HDAC9: variants seen among roughly 807,000 people sequenced by gnomAD.
HDAC9 encodes histone deacetylase 9, also known as MEF-2 interacting transcription repressor (MITR) protein.
A neutral mutation model predicts 139.4 loss-of-function variants in HDAC9; 41 were observed. The observed-to-expected ratio is 0.29, with a 90% CI of 0.23 to 0.38. HDAC9 has a LOEUF of 0.38. Among genes scored for constraint, HDAC9 ranks in the 10% least tolerant of loss-of-function variants. HDAC9 has a pLI of 1.00. For missense variants in HDAC9, 1,147 were observed against 1,297.0 expected (o/e 0.88, Z 1.78); for synonymous variants, 517 against 476.2 (o/e 1.09, Z -1.12).
intron 2 of HDAC9, among the ~76,000 whole-genome samples, chr7:18,537,041 A>G (rs1330182194): frequency 6.6e-6 from 1 of 152,196 alleles, no homozygotes; most frequent in Non-Finnish European, 1.5e-5. Context: ...TCTTGGGATC[A>G]TCTGAACTAT....
At chr7:18,562,203 G>A (rs546688929) in intron 2 of HDAC9, among the ~76,000 whole-genome samples, 54 of 152,088 alleles carry the variant, frequency 3.6e-4, no homozygotes, top group African/African-American at 8.9e-4. Flanking sequence ...TTATTGAGTC[G>A]TAAGATTTTA....
chr7:18,971,993 G>C (rs1206162108), intron 24 of HDAC9, among the ~76,000 whole-genome samples: 1 of 152,140 alleles, frequency 6.6e-6, no homozygotes, highest in Non-Finnish European at 1.5e-5. Flanking sequence ...ATGTTTGTTT[G>C]TGGCCTAGAC....
At chr7:18,518,747 A>G (rs1051131995) in intron 2 of HDAC9, among the ~76,000 whole-genome samples, 1 of 152,250 alleles carries the variant, frequency 6.6e-6, no homozygotes, top group African/African-American at 2.4e-5. Context: ...GGCCAGTAAT[A>G]GCCCTGGCTG....
At chr7:18,655,522 A>G (rs749476469) in intron 11 of HDAC9, among the ~76,000 whole-genome samples, 8 of 152,198 alleles carry the variant, frequency 5.3e-5, no homozygotes, top group Non-Finnish European at 8.8e-5. Context: ...TTATATCATC[A>G]CAAGGAATTC....
intron 13 of HDAC9, 128 bp from the exon 14 acceptor site, chr7:18,748,877 A>C (rs973431014): frequency 3.6e-5 from 32 of 901,062 alleles, no homozygotes; most frequent in Admixed American, 2.7e-4. Context: ...TTGCTTTGTG[A>C]TATTTCCTCC....
intron 2 of HDAC9, among the ~76,000 whole-genome samples, chr7:18,527,387 G>A (rs540759490): frequency 6.6e-6 from 1 of 152,192 alleles, no homozygotes; most frequent in Admixed American, 6.5e-5. Flanking sequence ...ATGTATCTAA[G>A]TAAGTTAATG....
At chr7:18,636,876 A>AT (rs3214107) in intron 8 of HDAC9, among the ~76,000 whole-genome samples, 4 of 150,824 alleles carry the variant, frequency 2.7e-5, no homozygotes, top group East Asian at 2.0e-4. Context: ...CTTGGTTACA[A>AT]TTTTTTTTTT....
At chr7:18,102,239 G>C (rs1197589115) in intron 1 of HDAC9, among the ~76,000 whole-genome samples, 1 of 152,144 alleles carries the variant, frequency 6.6e-6, no homozygotes, top group Non-Finnish European at 1.5e-5. Context: ...TAATTTAAAA[G>C]AATCCTTGAG....
chr7:18,596,157 A>G (rs774837275), intron 6 of HDAC9, among the ~76,000 whole-genome samples: 1 of 151,828 alleles, frequency 6.6e-6, no homozygotes, highest in Non-Finnish European at 1.5e-5. Context: ...GATATTTATG[A>G]AGTGTCTGGC....
chr7:18,576,325 A>G (rs1825920462), intron 2 of HDAC9, among the ~76,000 whole-genome samples: 1 of 152,194 alleles, frequency 6.6e-6, no homozygotes, highest in Non-Finnish European at 1.5e-5. Context: ...CTTTAATAAA[A>G]CAGGCAGCAG....
chr7:18,098,152 G>A (rs1240097720), intron 1 of HDAC9, among the ~76,000 whole-genome samples: 1 of 152,152 alleles, frequency 6.6e-6, no homozygotes, highest in African/African-American at 2.4e-5. Flanking sequence ...TTTCACTGCT[G>A]TTGCCAAATC....
At chr7:18,707,163 C>T (rs1262228488) in intron 12 of HDAC9, among the ~76,000 whole-genome samples, 1 of 152,144 alleles carries the variant, frequency 6.6e-6, no homozygotes, top group South Asian at 2.1e-4. Context: ...AGCGAGATGG[C>T]GTGGAAGCCA....
intron 12 of HDAC9, among the ~76,000 whole-genome samples, chr7:18,681,235 A>C (rs1313142137): frequency 6.6e-6 from 1 of 151,970 alleles, no homozygotes. Context: ...ATTGTTGAAA[A>C]AGAAAATATT....
intron 2 of HDAC9, among the ~76,000 whole-genome samples, chr7:18,538,984 C>A (rs867273596): frequency 6.6e-6 from 1 of 152,092 alleles, no homozygotes; most frequent in Non-Finnish European, 1.5e-5. Flanking sequence ...CAGCTCAGGT[C>A]TCTCTTTATC....
chr7:18,392,671 T>C (rs2128724944), intron 1 of HDAC9, among the ~76,000 whole-genome samples: 1 of 152,182 alleles, frequency 6.6e-6, no homozygotes, highest in Non-Finnish European at 1.5e-5. Flanking sequence ...TTATTATTGA[T>C]ATTGTTAGTA....
At chr7:18,142,775 A>G (rs1159956806) in intron 1 of HDAC9, among the ~76,000 whole-genome samples, 1 of 152,128 alleles carries the variant, frequency 6.6e-6, no homozygotes, top group African/African-American at 2.4e-5. Flanking sequence ...TCCATCATCC[A>G]TCCTCCTAGA....
At chr7:18,277,041 A>G (rs1426758357) in intron 2 of HDAC9, among the ~76,000 whole-genome samples, 1 of 152,086 alleles carries the variant, frequency 6.6e-6, no homozygotes, top group Non-Finnish European at 1.5e-5. Context: ...TTTTGATGTT[A>G]TTTTTACCAG....
At chr7:18,833,062 A>G (rs903191667) in intron 19 of HDAC9, among the ~76,000 whole-genome samples, 4 of 152,200 alleles carry the variant, frequency 2.6e-5, no homozygotes, top group Non-Finnish European at 5.9e-5. Context: ...TCTTAAGGCT[A>G]TACTGTGAGT....
At chr7:18,214,272 T>C (rs972217160) in intron 2 of HDAC9, among the ~76,000 whole-genome samples, 1 of 152,124 alleles carries the variant, frequency 6.6e-6, no homozygotes, top group Non-Finnish European at 1.5e-5. Context: ...GAAGCTACTC[T>C]TGTATTAATG....
Sources: allele counts gnomAD v4.1 joint callset (sites outside exome capture counted in the v4.1 genomes callset), GRCh38; gene constraint gnomAD v4.1.1; transcripts MANE v1.5; gene names NCBI Gene and HGNC (gene_info 2026-07-23, HGNC 2026-07-21).